The following CENPC variants were observed in gnomAD, a reference collection of about 807,000 sequenced individuals.
CENPC encodes CENP-C 1.
Under a neutral mutation model 112.1 loss-of-function variants are expected in CENPC, and 63 were observed. The ratio of observed to expected loss-of-function variants is 0.56; its 90% CI spans 0.46 to 0.69. The LOEUF (loss-of-function observed/expected upper bound fraction) is 0.69. CENPC is among the 30% of genes least tolerant of loss of function. The pLI, the probability that CENPC is intolerant of heterozygous loss-of-function variation, is 0.00. For missense variants in CENPC, 1,000 were observed against 1,103.8 expected (o/e 0.91, Z 1.33); for synonymous variants, 333 against 367.6 (o/e 0.91, Z 1.08).
rs368845653 is a variant in CENPC, at chr4:67,540,991, A to T, written c.125T>A (p.Phe42Tyr). ...QNVLEILQDC[F>Y]EEKSLANDFS... is the part of the protein sequence containing the mutation. ...AAATGAAGCCTTACTTTTTTCTTCA[A>T]AACAGTCTTGTAAGATTTCCAGAAC... is the stretch of plus-strand genomic sequence containing the variant. The change falls in exon 3 of 19, where the codon TTT becomes TAT. Residue 42 changes from phenylalanine (F) to tyrosine (Y), a missense_variant. Transcript: ENST00000273853. 17 of 1,607,222 alleles carry T rather than the reference A, an allele frequency of 1.1e-5. No individual in the cohort carries two copies. Among genetic ancestry groups the T allele is most frequent in the Non-Finnish European group, 1.4e-5 (17 of 1,176,516 alleles).
At chr4:67,477,006 C>CA (rs1724823339) in intron 17 of CENPC, among the ~76,000 whole-genome samples, 1 of 152,120 alleles carries the variant, frequency 6.6e-6, no homozygotes, top group African/African-American at 2.4e-5. Context: ...ACAGTGGTCA[C>CA]AAAAAGCTCA....
Position 67,492,193 on chromosome 4 carries a change from C to A in CENPC, c.2502G>T (p.Glu834Asp), listed in dbSNP as rs1265410696. 3 of 1,558,990 alleles carry A rather than the reference C, an allele frequency of 1.9e-6. No individual in the cohort carries two copies. The African/African-American group carries it at 4.1e-5, about 21-fold the overall frequency. Residue 834 changes from glutamate (E) to aspartate (D), a missense_variant, in exon 16 of 19, where the codon GAG becomes GAT. Physicochemically the swap from Glu to Asp is conservative, Grantham distance 45. Transcript: ENST00000273853. ...GCCTGATCTTACCCATGAGAATAAT[C>A]TCTCTTGTTTCTGGGTCCTTTACCC... is the stretch of plus-strand genomic sequence containing the variant. ...PTRVKDPETR[E>D]IILMDLVRPQ...
chr4:67,486,520 T>C (rs1468783691), intron 17 of CENPC, among the ~76,000 whole-genome samples: 1 of 152,250 alleles, frequency 6.6e-6, no homozygotes, highest in African/African-American at 2.4e-5. Context: ...GATCTGTTTC[T>C]TAAATTTCTC....
At chr4:67,502,528 G>A (rs1366975520) in intron 12 of CENPC, among the ~76,000 whole-genome samples, 1 of 152,164 alleles carries the variant, frequency 6.6e-6, no homozygotes, top group Non-Finnish European at 1.5e-5. Context: ...CACTCCATAT[G>A]AAGGCTTATG....
intron 12 of CENPC, among the ~76,000 whole-genome samples, chr4:67,503,692 TA>T (rs1167387849): frequency 2.0e-5 from 3 of 152,168 alleles, no homozygotes; most frequent in Non-Finnish European, 4.4e-5. Flanking sequence ...AATAACTGGA[TA>T]TATATCTTTA....
At chr4:67,531,835 A>G (rs1018912839) in intron 4 of CENPC, among the ~76,000 whole-genome samples, 8 of 152,188 alleles carry the variant, frequency 5.3e-5, no homozygotes, top group Non-Finnish European at 7.3e-5. Flanking sequence ...AATGACTATA[A>G]TAAGTATCAG....
At chr4:67,528,268 AGGAG>A (rs769602062) in intron 5 of CENPC, among the ~76,000 whole-genome samples, 64 of 152,330 alleles carry the variant, frequency 4.2e-4, no homozygotes, top group Non-Finnish European at 7.9e-4. Context: ...ACCCAATACT[AGGAG>A]GGAGGGGAGA....
chr4:67,501,765 T>C (rs902237725), intron 12 of CENPC, among the ~76,000 whole-genome samples: 3 of 152,186 alleles, frequency 2.0e-5, no homozygotes, highest in Non-Finnish European at 4.4e-5. Context: ...TAATATATCA[T>C]GTCTACAATT....
At position 67,490,086 on chromosome 4, in the gene CENPC, CA is replaced by C; in HGVS notation, c.2550del (p.Phe850LeufsTer7). 1 of 1,607,414 alleles carries C rather than the reference CA, an allele frequency of 6.2e-7. No individual in the cohort carries two copies. Among genetic ancestry groups the C allele is most frequent in the East Asian group, 2.2e-5 (1 of 44,678 alleles). ...LVRPQDTYQFFVKHGELKVYK... is the reference protein window; with the variant it reads ...LVRPQDTYQFXVKHGELKVYK... Reference sequence around the variant, plus strand: ...TATACCTTCAACTCACCATGCTTAACAAAAAATTGATATGTATCTTGTGGCC... The same window carrying C: ...TATACCTTCAACTCACCATGCTTAACAAAAATTGATATGTATCTTGTGGCC... On this transcript the variant is annotated frameshift_variant, in exon 17 of 19. Coordinates refer to ENST00000273853, the MANE Select transcript of CENPC (RefSeq NM_001812.4). LOFTEE classifies it high-confidence loss of function.
chr4:67,534,002 C>T (rs557924091), intron 4 of CENPC, among the ~76,000 whole-genome samples: 1 of 152,038 alleles, frequency 6.6e-6, no homozygotes, highest in African/African-American at 2.4e-5. Flanking sequence ...CATGCCACTG[C>T]ACTCCAGCAA....
At chr4:67,480,546 G>A (rs1352914314) in intron 17 of CENPC, among the ~76,000 whole-genome samples, 1 of 152,118 alleles carries the variant, frequency 6.6e-6, no homozygotes, top group East Asian at 1.9e-4. Flanking sequence ...AAAAGTCCAG[G>A]ACCAGATGGA....
chr4:67,473,178 C>T (rs62303191), intron 18 of CENPC, among the ~76,000 whole-genome samples: 1 of 151,894 alleles, frequency 6.6e-6, no homozygotes, highest in Non-Finnish European at 1.5e-5. Flanking sequence ...TATCCTCCCG[C>T]CTCTTGCCTC....
chr4:67,536,860 T>G (rs1726732814), intron 4 of CENPC, among the ~76,000 whole-genome samples: 1 of 151,268 alleles, frequency 6.6e-6, no homozygotes, highest in African/African-American at 2.4e-5. Flanking sequence ...AGACCAAAAT[T>G]GATAAACCCT....
intron 16 of CENPC, among the ~76,000 whole-genome samples, chr4:67,490,869 TATATATATAG>T (rs1560422812): frequency 3.4e-5 from 1 of 29,700 alleles, no homozygotes; most frequent in African/African-American, 1.4e-4. Context: ...TATATATATA[TATATATATAG>T]AAATATATAG....
rs367587085 is a variant in CENPC at position 67,475,687 on chromosome 4, C to A, written c.2671-709G>T. ...GATCTCGGCTCACTGCAAGCTCCGC[C>A]TCCAGGGTTCATGCCATTCTCCAGC... is the stretch of plus-strand genomic sequence containing the variant. On this transcript the variant is annotated intron_variant, in intron 17 of 18. Transcript: ENST00000273853. 4.6e-5 allele frequency among the ~76,000 whole-genome samples: 7 copies of A among 152,320 alleles called. No homozygotes were observed. The East Asian group carries it at 1.2e-3, about 25-fold the overall frequency.
chr4:67,525,851 G>T (rs1404321041), intron 5 of CENPC, among the ~76,000 whole-genome samples: 2 of 152,258 alleles, frequency 1.3e-5, no homozygotes, highest in African/African-American at 4.8e-5. Flanking sequence ...AAATCATTCT[G>T]CTATAAAGAC....
Position 67,514,267 on chromosome 4 carries a change from T to C in CENPC, c.1251A>G (p.Ile417Met), listed in dbSNP as rs1725985452. The C allele has an allele frequency of 6.2e-7, 1 of 1,611,584 alleles. No individual in the cohort carries two copies. The highest frequency in any genetic ancestry group is 1.3e-5 in the African/African-American group (1 of 75,062). Residue 417 changes from isoleucine to methionine, a missense_variant, in exon 8 of 19, where the codon ATA (isoleucine) becomes ATG (methionine). Transcript: ENST00000273853. ...AEKPSRSKRTIKQKQRRKFMA... is the reference protein window; with the variant it reads ...AEKPSRSKRTMKQKQRRKFMA... ...TGAATTTTCTTCTCTGTTTTTGTTT[T>C]ATAGTCCTTTTGCTTCTAGATGGTT...
intron 17 of CENPC, 58 bp from the exon 18 acceptor site, chr4:67,475,036 G>C: frequency 1.2e-6 from 1 of 842,564 alleles, no homozygotes; most frequent in Non-Finnish European, 1.8e-6. Context: ...TACTTCAAAG[G>C]AACCTTAAAA....
chr4:67,534,683 G>T (rs1242969737), intron 4 of CENPC, among the ~76,000 whole-genome samples: 1 of 152,176 alleles, frequency 6.6e-6, no homozygotes, highest in Non-Finnish European at 1.5e-5. Flanking sequence ...TAGGCCAAGA[G>T]AAAAGAAATC....
Sources: allele counts gnomAD v4.1 joint callset (sites outside exome capture counted in the v4.1 genomes callset), GRCh38; gene constraint gnomAD v4.1.1; transcripts MANE v1.5; gene names NCBI Gene and HGNC (gene_info 2026-07-23, HGNC 2026-07-21).